ENTPD1: variants seen among roughly 807,000 people sequenced by gnomAD.
ENTPD1 encodes ATP diphosphohydrolase.
In ENTPD1, 33 loss-of-function variants were observed where a neutral mutation model predicts 57.0. That is an observed-to-expected ratio of 0.58 (90% CI 0.44 to 0.77). The LOEUF (loss-of-function observed/expected upper bound fraction) is 0.77, where lower values mean the gene tolerates loss of function less well. ENTPD1 is among the 30% of genes least tolerant of loss of function. The pLI is 0.00. For synonymous variants in ENTPD1, 202 were observed against 218.8 expected, an observed-to-expected ratio of 0.92 and a Z score of 0.68; for missense variants, 501 against 603.4, an observed-to-expected ratio of 0.83 and a Z score of 1.78.
intron 1 of ENTPD1, among the ~76,000 whole-genome samples, chr10:95,769,243 A>G (rs1162656511): frequency 2.0e-5 from 3 of 152,218 alleles, no homozygotes; most frequent in African/African-American, 7.2e-5. Context: ...ACTGAGAGCA[A>G]ACCTCTGTTG....
intron 1 of ENTPD1, among the ~76,000 whole-genome samples, chr10:95,818,229 C>T (rs931745672): frequency 1.3e-5 from 2 of 152,170 alleles, no homozygotes; most frequent in Non-Finnish European, 2.9e-5. Flanking sequence ...ATTCATACAA[C>T]ATGGGATATA....
intron 9 of ENTPD1, 83 bp from the exon 10 acceptor site, chr10:95,866,094 T>C: frequency 1.3e-6 from 2 of 1,524,492 alleles, no homozygotes; most frequent in Non-Finnish European, 1.8e-6. Context: ...ACTCTTCCAA[T>C]GCATGATCCA....
At chr10:95,740,773 C>T (rs770639662) in intron 1 of ENTPD1, among the ~76,000 whole-genome samples, 2 of 152,258 alleles carry the variant, frequency 1.3e-5, no homozygotes, top group African/African-American at 2.4e-5. Context: ...CTTCACCTTG[C>T]GCTTTTACAT....
In ENTPD1 at chr10:95,876,592, A is replaced by T; in HGVS notation, c.*10209A>T. 8.1e-7 allele frequency: 1 copy of T among 1,230,574 alleles called. No individual in the cohort carries two copies. 76.2% of individuals were successfully genotyped at this position (1,230,574 alleles called of 1,614,324 possible). A position where few individuals can be genotyped will look rare whatever the true frequency, so the allele number is the denominator to read the frequency against. The stretch of plus-strand genomic sequence containing the variant: ...AAGTCTACATGGAGAATACAGGATG[A>T]ATCCACTCTGTCTCCTGCAGTGAAG... On this transcript the variant is annotated 3_prime_UTR_variant, in exon 10 of 10. Coordinates refer to ENST00000371205, the MANE Select transcript of ENTPD1 (RefSeq NM_001776.6).
intron 1 of ENTPD1, among the ~76,000 whole-genome samples, chr10:95,717,947 G>A (rs1471235172): frequency 6.6e-6 from 1 of 152,160 alleles, no homozygotes; most frequent in Non-Finnish European, 1.5e-5. Flanking sequence ...TTCTGGAAGA[G>A]GCAAACTTAA....
Position 95,866,311 on chromosome 10 carries a change from C to T in ENTPD1, c.1461C>T (p.Val487=). 6.2e-7 allele frequency: 1 copy of T among 1,614,192 alleles called. No homozygotes were observed. The highest frequency in any genetic ancestry group is 1.1e-5 in the South Asian group (1 of 91,078). The change falls in exon 10 of 10, where the codon GTC becomes GTT. Residue 487 remains valine (V), a synonymous_variant. Coordinates refer to ENST00000371205, the MANE Select transcript of ENTPD1 (RefSeq NM_001776.6). Reference sequence around the variant, plus strand: ...TCCTCATGGTTCTATTCTCCCTGGTCCTTTTCACAGTGGCCATCATAGGCT... The same window carrying T: ...TCCTCATGGTTCTATTCTCCCTGGTTCTTTTCACAGTGGCCATCATAGGCT... The part of the protein sequence containing the change: ...YVFLMVLFSL[V]LFTVAIIGLL...
chr10:95,804,982 A>G (rs907487028), intron 1 of ENTPD1, among the ~76,000 whole-genome samples: 12 of 151,810 alleles, frequency 7.9e-5, no homozygotes, highest in Non-Finnish European at 1.8e-4. Flanking sequence ...TGGGATGGAG[A>G]GTTCTGTAGA....
At chr10:95,827,492 T>C (rs1011151981) in intron 2 of ENTPD1, among the ~76,000 whole-genome samples, 1 of 152,146 alleles carries the variant, frequency 6.6e-6, no homozygotes, top group African/African-American at 2.4e-5. Context: ...TGTTTTGTTT[T>C]GTTTGTTTTT....
chr10:95,715,075 A>T (rs10882656), intron 1 of ENTPD1, among the ~76,000 whole-genome samples: 70,126 of 152,052 alleles, frequency 0.46, 16,593 homozygotes, highest in East Asian at 0.74. Context: ...TAAAAGGTTT[A>T]TGCAATGATT....
rs565039746 is a variant in ENTPD1 at position 95,724,370 on chromosome 10, G to A, written c.37+12377G>A. On this transcript the variant is annotated intron_variant, in intron 1 of 9. Transcript: ENST00000453258. ...CCTTCGTGGTCACCAAAATGTTACC[G>A]GGGCGGGGTGGTCCTTGTTCTTAGA... Among the ~76,000 whole-genome samples, 24 of 152,092 alleles carry A rather than the reference G, an allele frequency of 1.6e-4. 1 individual carries two copies. The South Asian group carries it at 3.1e-3, about 20-fold the overall frequency.
At position 95,793,740 on chromosome 10, in the gene ENTPD1, G is replaced by C. The variant is rs192590058; in HGVS notation, c.17-29497G>C. Among the ~76,000 whole-genome samples, 11 of 152,156 alleles carry C rather than the reference G, an allele frequency of 7.2e-5. No individual in the cohort carries two copies. The East Asian group carries it at 1.9e-3, about 27-fold the overall frequency. ...ATTAGAGAAACTATGTTTTTAGAAG[G>C]TTCTTTAAAGGAGAAGTCCAGGGCC... On this transcript the variant is annotated intron_variant, in intron 1 of 9. Coordinates refer to ENST00000371205, the MANE Select transcript of ENTPD1 (RefSeq NM_001776.6).
At chr10:95,694,380 C>T in the ENTPD1 span, among the ~76,000 whole-genome samples, 1 of 151,010 alleles carries the variant, frequency 6.6e-6, no homozygotes, top group Admixed American at 6.6e-5. Context: ...CACCTAAGGT[C>T]ACATACCTTA....
intron 1 of ENTPD1, among the ~76,000 whole-genome samples, chr10:95,718,248 C>T (rs1368333233): frequency 1.3e-5 from 2 of 151,968 alleles, no homozygotes; most frequent in African/African-American, 4.8e-5. Context: ...GGCTAGCCAT[C>T]CTGAGGGGAG....
At chr10:95,818,128 A>T (rs748068279) in intron 1 of ENTPD1, among the ~76,000 whole-genome samples, 5 of 152,194 alleles carry the variant, frequency 3.3e-5, no homozygotes, top group Admixed American at 6.5e-5. Flanking sequence ...AGACAAAAAG[A>T]CTTGGAGAAT....
chr10:95,738,652 A>G (rs2097997130), intron 1 of ENTPD1, among the ~76,000 whole-genome samples: 1 of 152,232 alleles, frequency 6.6e-6, no homozygotes, highest in Non-Finnish European at 1.5e-5. Context: ...TAAATAGGCT[A>G]TGCATACTCA....
In ENTPD1 at chr10:95,823,323, G is replaced by A; in HGVS notation, c.103G>A (p.Val35Met). The A allele has an allele frequency of 6.2e-7, 1 of 1,614,170 alleles. No individual in the cohort carries two copies. Among genetic ancestry groups the A allele is most frequent in the Non-Finnish European group, 8.5e-7 (1 of 1,180,014 alleles). ...CATAGCTGTGATAGCTTTGCTTGCT[G>A]TGGGGTTGACCCAGAACAAAGCATT... ...SIIAVIALLAVGLTQNKALPE... is the reference protein window; with the variant it reads ...SIIAVIALLAMGLTQNKALPE... The change falls in exon 2 of 10, where the codon GTG becomes ATG. Residue 35 changes from valine to methionine, a missense_variant. Val to Met is a conservative substitution (Grantham distance 21). Transcript: ENST00000371205.
intron 1 of ENTPD1, among the ~76,000 whole-genome samples, chr10:95,736,379 T>C (rs957281249): frequency 1.3e-5 from 2 of 152,292 alleles, no homozygotes; most frequent in South Asian, 4.1e-4. Flanking sequence ...GAATGGTACA[T>C]CTATTAAAAG....
intron 1 of ENTPD1, among the ~76,000 whole-genome samples, chr10:95,806,983 G>A (rs1452485791): frequency 6.6e-6 from 1 of 152,172 alleles, no homozygotes; most frequent in African/African-American, 2.4e-5. Flanking sequence ...CACTTGAGGG[G>A]GCAATCTGTC....
rs2098486071 is a variant in ENTPD1, at chr10:95,876,657, CA to C, written c.*10275del. On this transcript the variant is annotated 3_prime_UTR_variant, in exon 10 of 10. Coordinates refer to ENST00000371205, the MANE Select transcript of ENTPD1 (RefSeq NM_001776.6). Reference sequence around the variant, plus strand: ...GTATTTGGCTGTCTTCTGGACAGGCCATTCTAATAACAGAAACAAACAAGTT... The same window carrying C: ...GTATTTGGCTGTCTTCTGGACAGGCCTTCTAATAACAGAAACAAACAAGTT... 8.2e-7 allele frequency: 1 copy of C among 1,226,274 alleles called. No homozygotes were observed. Among genetic ancestry groups the C allele is most frequent in the Admixed American group, 4.2e-5 (1 of 23,580 alleles). The allele number at this position is 1,226,274 out of a possible 1,614,324, so 76.0% of individuals were successfully genotyped here.
Sources: gnomAD v4.1 joint callset for allele counts (sites outside exome capture counted in the v4.1 genomes callset) on GRCh38, gnomAD v4.1.1 for gene constraint, MANE v1.5 for transcripts, NCBI Gene and HGNC (gene_info 2026-07-23, HGNC 2026-07-21) for gene names.